Variants in SDK1 observed in about 807,000 individuals in gnomAD.
SDK1 encodes the protein protein sidekick-1.
In SDK1, 157 loss-of-function variants were observed where a neutral mutation model predicts 245.5. The ratio of observed to expected loss-of-function variants is 0.64; its 90% CI spans 0.56 to 0.73. The LOEUF (loss-of-function observed/expected upper bound fraction) is 0.73, where lower values mean the gene tolerates loss of function less well. SDK1 is among the 30% of genes least tolerant of loss of function. The pLI is 0.00. For synonymous variants in SDK1, 1,647 were observed against 1,278.5 expected, an observed-to-expected ratio of 1.29 and a Z score of -6.15; for missense variants, 3,583 against 3,002.3, an observed-to-expected ratio of 1.19 and a Z score of -4.52.
At chr7:4,079,768 A>G (rs1414300825) in intron 22 of SDK1, among the ~76,000 whole-genome samples, 184 bp downstream of exon 22, 5 of 152,216 alleles carry the variant, frequency 3.3e-5, no homozygotes, top group Admixed American at 2.6e-4. Context: ...AAAGAACAAG[A>G]TGTCAGGCCG....
rs765119713 is a variant in SDK1 at position 4,178,604 on chromosome 7, C to T, written c.5098+18C>T. 15 of 1,578,528 alleles carry T rather than the reference C, an allele frequency of 9.5e-6. No individual in the cohort carries two copies. The highest frequency in any genetic ancestry group is 3.3e-5 in the South Asian group (3 of 90,440). On this transcript the variant is annotated intron_variant, in intron 35 of 44. Transcript: ENST00000404826. ...CGAGGCTGGTAAGCTCCGTGCACCCCCAACCCCACTGCCAGAGAGGGCCAC... is the reference window on the plus strand; with the variant it reads ...CGAGGCTGGTAAGCTCCGTGCACCCTCAACCCCACTGCCAGAGAGGGCCAC...
intron 1 of SDK1, among the ~76,000 whole-genome samples, chr7:3,480,055 C>T (rs140667851): frequency 6.6e-6 from 1 of 152,122 alleles, no homozygotes; most frequent in Non-Finnish European, 1.5e-5. Flanking sequence ...GAATATGTCC[C>T]TTTACATGGC....
At chr7:3,464,986 C>G (rs960207215) in intron 1 of SDK1, among the ~76,000 whole-genome samples, 2 of 152,036 alleles carry the variant, frequency 1.3e-5, no homozygotes, top group African/African-American at 4.8e-5. Context: ...GCTGCTAAGG[C>G]TAACATTGTT....
At chr7:3,888,254 T>C (rs1781381877) in intron 5 of SDK1, among the ~76,000 whole-genome samples, 1 of 152,242 alleles carries the variant, frequency 6.6e-6, no homozygotes, top group African/African-American at 2.4e-5. Flanking sequence ...AAATAATTCC[T>C]TGTTCCATGT....
intron 13 of SDK1, among the ~76,000 whole-genome samples, chr7:3,979,081 A>G (rs888721404): frequency 6.6e-6 from 1 of 152,204 alleles, no homozygotes; most frequent in African/African-American, 2.4e-5. Context: ...CAGTGGGGCC[A>G]ATAGGAGCAA....
At chr7:3,528,543 A>G (rs893771096) in intron 1 of SDK1, among the ~76,000 whole-genome samples, 3 of 152,102 alleles carry the variant, frequency 2.0e-5, no homozygotes, top group African/African-American at 7.3e-5. Flanking sequence ...TATTTACAAA[A>G]AGATTACTCT....
At chr7:4,081,769 G>T (rs1781075229) in intron 22 of SDK1, among the ~76,000 whole-genome samples, 1 of 152,124 alleles carries the variant, frequency 6.6e-6, no homozygotes, top group Non-Finnish European at 1.5e-5. Flanking sequence ...ATATGCAAAA[G>T]GAAGAATAGA....
intron 2 of SDK1, among the ~76,000 whole-genome samples, chr7:3,628,912 G>C (rs1367381865): frequency 6.6e-6 from 1 of 152,124 alleles, no homozygotes; most frequent in African/African-American, 2.4e-5. Flanking sequence ...AACCCAGGCA[G>C]AACCTAGAGG....
chr7:4,229,201 T>C (rs1583126870), intron 40 of SDK1, among the ~76,000 whole-genome samples: 2 of 152,130 alleles, frequency 1.3e-5, no homozygotes, highest in African/African-American at 4.8e-5. Context: ...AGTTGAGAAA[T>C]AGAGTGGACG....
At chr7:4,055,004 T>C (rs1380771791) in intron 19 of SDK1, among the ~76,000 whole-genome samples, 2 of 152,226 alleles carry the variant, frequency 1.3e-5, no homozygotes, top group South Asian at 4.1e-4. Context: ...TTGCTAGCAC[T>C]TGGCGAAGGA....
At chr7:3,752,750 T>A (rs550951405) in intron 4 of SDK1, among the ~76,000 whole-genome samples, 8 of 152,346 alleles carry the variant, frequency 5.3e-5, no homozygotes, top group African/African-American at 1.9e-4. Context: ...GAGACTCATC[T>A]TCAAAGGCAA....
At chr7:4,109,218 G>A (rs1783163212) in intron 22 of SDK1, among the ~76,000 whole-genome samples, 1 of 152,184 alleles carries the variant, frequency 6.6e-6, no homozygotes, top group African/African-American at 2.4e-5. Flanking sequence ...GTGACTGTGT[G>A]TAGCTTTTGG....
At chr7:4,175,367 G>A (rs922531882) in intron 33 of SDK1, among the ~76,000 whole-genome samples, 7 of 152,218 alleles carry the variant, frequency 4.6e-5, no homozygotes, top group African/African-American at 7.2e-5. Flanking sequence ...GCACCTGGTC[G>A]CGCAGCTCTC....
intron 1 of SDK1, among the ~76,000 whole-genome samples, chr7:3,554,559 A>C (rs981707176): frequency 6.6e-6 from 1 of 152,188 alleles, no homozygotes; most frequent in Non-Finnish European, 1.5e-5. Flanking sequence ...AGGATCACCA[A>C]ATTACCCACA....
In SDK1 at chr7:4,113,413, G is replaced by A; in HGVS notation, c.3559G>A (p.Glu1187Lys). 1.2e-6 allele frequency: 2 copies of A among 1,613,954 alleles called. No homozygotes were observed. The highest frequency in any genetic ancestry group is 1.1e-5 in the South Asian group (1 of 91,082). Reference protein sequence around the residue: ...PTSVTVRTASETSLRLRWVPL... With the variant: ...PTSVTVRTASKTSLRLRWVPL... ...CAGCGTCACGGTCCGTACTGCCAGT[G>A]AGACCAGCCTGCGGCTTCGCTGGGT... Residue 1187 changes from glutamate (E) to lysine (K), a missense_variant, in exon 24 of 45, where the codon GAG becomes AAG. By Grantham distance (56) the Glu-to-Lys change is moderately conservative. Coordinates refer to ENST00000404826, the MANE Select transcript of SDK1 (RefSeq NM_152744.4).
chr7:3,941,994 C>T (rs541960389), intron 5 of SDK1, among the ~76,000 whole-genome samples: 4 of 151,360 alleles, frequency 2.6e-5, no homozygotes, highest in African/African-American at 9.7e-5. Context: ...CCTCAAGCTC[C>T]GCCTCCCAGG....
chr7:3,853,411 G>C (rs115061389), intron 5 of SDK1, among the ~76,000 whole-genome samples: 1 of 152,116 alleles, frequency 6.6e-6, no homozygotes, highest in Non-Finnish European at 1.5e-5. Flanking sequence ...ATTATTGTGT[G>C]TGTGTGTGTA....
chr7:3,340,748 CAG>C (rs1562425272), intron 1 of SDK1, among the ~76,000 whole-genome samples: 1 of 124,712 alleles, frequency 8.0e-6, no homozygotes, highest in African/African-American at 3.1e-5. Context: ...GCCTGGGAAA[CAG>C]AGCAAGACCC....
rs193300812 is a variant in SDK1, at chr7:3,587,628, G to A, written c.299-31452G>A. Among the ~76,000 whole-genome samples the A allele has an allele frequency of 2.6e-3, 402 of 152,270 alleles. 3 individuals are homozygous for A. Among genetic ancestry groups the A allele is most frequent in the South Asian group, 0.018 (86 of 4,824 alleles). Reference sequence around the variant, plus strand: ...GGACTGGACGATCCCTACCTACATCGGGGATGGCCGTCTGTTTTACTCAGT... The same window carrying A: ...GGACTGGACGATCCCTACCTACATCAGGGATGGCCGTCTGTTTTACTCAGT... On this transcript the variant is annotated intron_variant, in intron 1 of 44. Transcript: ENST00000404826.
Sources: gnomAD v4.1 joint callset for allele counts (sites outside exome capture counted in the v4.1 genomes callset) on GRCh38, gnomAD v4.1.1 for gene constraint, MANE v1.5 for transcripts, NCBI Gene and HGNC (gene_info 2026-07-23, HGNC 2026-07-21) for gene names.